Variants in PRKCE observed in about 807,000 individuals in gnomAD.
PRKCE encodes the protein protein kinase C epsilon.
Under a neutral mutation model 85.4 loss-of-function variants are expected in PRKCE, and 16 were observed. That is an observed-to-expected ratio of 0.19 (90% confidence interval 0.13 to 0.28). PRKCE has a LOEUF of 0.28. Among genes scored for constraint, PRKCE ranks in the 10% least tolerant of loss-of-function variants. PRKCE has a pLI of 1.00. For synonymous variants in PRKCE, 388 were observed against 371.5 expected, an observed-to-expected ratio of 1.04 and a Z score of -0.51; for missense variants, 573 against 975.2, an observed-to-expected ratio of 0.59 and a Z score of 5.49.
intron 10 of PRKCE, among the ~76,000 whole-genome samples, chr2:46,064,164 C>G (rs1386437016): frequency 1.3e-5 from 2 of 151,706 alleles, no homozygotes; most frequent in South Asian, 4.2e-4. Flanking sequence ...TGCCTGTAAT[C>G]CCAGCTACTC....
intron 1 of PRKCE, among the ~76,000 whole-genome samples, chr2:45,661,938 T>G (rs781383383): frequency 6.6e-6 from 1 of 152,204 alleles, no homozygotes; most frequent in Non-Finnish European, 1.5e-5. Flanking sequence ...AATAGATTTG[T>G]TTTTTCAGAC....
At chr2:45,871,628 G>C (rs1694093968) in intron 2 of PRKCE, among the ~76,000 whole-genome samples, 2 of 152,248 alleles carry the variant, frequency 1.3e-5, no homozygotes, top group Admixed American at 1.3e-4. Context: ...GTAAACAGCT[G>C]AAGGGTTTAC....
chr2:45,819,776 T>C (rs1043533672), intron 1 of PRKCE, among the ~76,000 whole-genome samples: 3 of 152,166 alleles, frequency 2.0e-5, no homozygotes, highest in African/African-American at 4.8e-5. Context: ...CTCTGGGAAG[T>C]GTGGAATGTA....
At chr2:45,825,871 G>C (rs1689902078) in intron 1 of PRKCE, among the ~76,000 whole-genome samples, 1 of 152,032 alleles carries the variant, frequency 6.6e-6, no homozygotes, top group Non-Finnish European at 1.5e-5. Flanking sequence ...CTGGGCAACA[G>C]AGCAAGATCC....
chr2:45,685,899 C>T (rs1353552902), intron 1 of PRKCE, among the ~76,000 whole-genome samples: 1 of 152,172 alleles, frequency 6.6e-6, no homozygotes, highest in Non-Finnish European at 1.5e-5. Flanking sequence ...CACTGCCTAT[C>T]CACGGATAGA....
intron 2 of PRKCE, among the ~76,000 whole-genome samples, chr2:45,928,421 C>G (rs959201843): frequency 6.6e-6 from 1 of 152,200 alleles, no homozygotes; most frequent in Non-Finnish European, 1.5e-5. Flanking sequence ...GCACACACCA[C>G]CATGCCCAGC....
chr2:46,084,894 T>C (rs976531969), intron 10 of PRKCE, among the ~76,000 whole-genome samples: 10 of 152,086 alleles, frequency 6.6e-5, no homozygotes, highest in African/African-American at 2.4e-4. Flanking sequence ...CTTCTTTTTC[T>C]CTCCAGGCCT....
intron 1 of PRKCE, among the ~76,000 whole-genome samples, chr2:45,768,370 T>C (rs888539387): frequency 3.3e-5 from 5 of 152,206 alleles, no homozygotes; most frequent in African/African-American, 1.2e-4. Context: ...GTGAGTCCCA[T>C]GGGGATGGCT....
intron 11 of PRKCE, among the ~76,000 whole-genome samples, chr2:46,128,696 C>T (rs1674110842): frequency 6.6e-6 from 1 of 152,054 alleles, no homozygotes; most frequent in Non-Finnish European, 1.5e-5. Context: ...TTCCAGTGGC[C>T]CCAAAGATAG....
chr2:45,996,547 T>G (rs980735307), intron 6 of PRKCE, among the ~76,000 whole-genome samples: 1 of 152,164 alleles, frequency 6.6e-6, no homozygotes, highest in African/African-American at 2.4e-5. Context: ...CATAAATAGG[T>G]TTGGATTTTG....
At chr2:45,921,209 C>G (rs999260509) in intron 2 of PRKCE, among the ~76,000 whole-genome samples, 1 of 152,206 alleles carries the variant, frequency 6.6e-6, no homozygotes, top group African/African-American at 2.4e-5. Context: ...CACAGCCAAG[C>G]CCCTCGTAGA....
chr2:46,064,729 A>G (rs1326576329), intron 10 of PRKCE, among the ~76,000 whole-genome samples: 1 of 152,258 alleles, frequency 6.6e-6, no homozygotes, highest in Admixed American at 6.5e-5. Flanking sequence ...GTAACATATA[A>G]TAAACTAGGA....
intron 6 of PRKCE, among the ~76,000 whole-genome samples, chr2:45,993,067 G>C (rs543285416): frequency 3.0e-4 from 46 of 152,022 alleles, no homozygotes; most frequent in Non-Finnish European, 5.1e-4. Flanking sequence ...GGAAAGAGAA[G>C]CCTTAAAGGG....
intron 1 of PRKCE, among the ~76,000 whole-genome samples, chr2:45,839,920 A>T (rs1381777121): frequency 6.6e-6 from 1 of 152,186 alleles, no homozygotes; most frequent in Non-Finnish European, 1.5e-5. Context: ...AATGCAGTTC[A>T]CCAGCACGGA....
At chr2:45,747,343 TATTA>T (rs1683222643) in intron 1 of PRKCE, among the ~76,000 whole-genome samples, 1 of 152,212 alleles carries the variant, frequency 6.6e-6, no homozygotes, top group African/African-American at 2.4e-5. Flanking sequence ...ACCCAGTACC[TATTA>T]AACACTAACT....
At chr2:45,916,874 T>C (rs373929601) in intron 2 of PRKCE, among the ~76,000 whole-genome samples, 8 of 152,312 alleles carry the variant, frequency 5.3e-5, no homozygotes, top group African/African-American at 1.9e-4. Context: ...GATGTTTGGA[T>C]GTGTTCGGAG....
chr2:45,727,933 G>A (rs1681225550), intron 1 of PRKCE, among the ~76,000 whole-genome samples: 4 of 152,170 alleles, frequency 2.6e-5, no homozygotes, highest in South Asian at 4.1e-4. Flanking sequence ...GATTACAGAC[G>A]TGAGCCACCG....
At position 46,187,621 on chromosome 2, in the gene PRKCE, T is replaced by A. The variant is rs1222713222; in HGVS notation, c.*2740T>A. 13 of 151,588 alleles carry A rather than the reference T, an allele frequency of 8.6e-5. No homozygotes were observed. The highest frequency in any genetic ancestry group is 1.0e-4 in the Non-Finnish European group (7 of 67,794). 9.4% of individuals were successfully genotyped at this position (151,588 alleles called of 1,614,324 possible). ...ACAAAGCCAAAAAATATATGAAGGA[T>A]AGCTGTTCTTCTGTGTTCTCTCATT... On this transcript the variant is annotated 3_prime_UTR_variant, in exon 15 of 15. Transcript: ENST00000306156.
chr2:46,047,541 A>G (rs185082214), intron 10 of PRKCE, among the ~76,000 whole-genome samples: 72 of 152,296 alleles, frequency 4.7e-4, no homozygotes, highest in Non-Finnish European at 7.4e-4. Context: ...CATCCTGTGT[A>G]ACTTGAGGAG....
Sources: allele counts gnomAD v4.1 joint callset (sites outside exome capture counted in the v4.1 genomes callset), GRCh38; gene constraint gnomAD v4.1.1; transcripts MANE v1.5; gene names NCBI Gene and HGNC (gene_info 2026-07-23, HGNC 2026-07-21).